PTCD2: variants seen among roughly 807,000 people sequenced by gnomAD.
PTCD2 encodes the protein pentatricopeptide repeat domain 2, also known as pentatricopeptide repeat-containing protein 2, mitochondrial.
A neutral mutation model predicts 42.6 loss-of-function variants in PTCD2; 31 were observed. The observed-to-expected ratio is 0.73, with a 90% confidence interval of 0.55 to 0.98. PTCD2 has a LOEUF of 0.98. PTCD2 is among the 50% of genes least tolerant of loss of function. The probability of loss-of-function intolerance (pLI) is 0.00; values close to 1 mark genes in which losing one functional copy is unlikely to be tolerated. For synonymous variants in PTCD2, 183 were observed against 170.9 expected, an observed-to-expected ratio of 1.07 and a Z score of -0.55; for missense variants, 476 against 454.8, an observed-to-expected ratio of 1.05 and a Z score of -0.42.
At chr5:72,338,469 A>C (rs954521966) in intron 6 of PTCD2, among the ~76,000 whole-genome samples, 153 bp from the exon 7 acceptor site, 9 of 152,256 alleles carry the variant, frequency 5.9e-5, no homozygotes, top group African/African-American at 2.2e-4. Flanking sequence ...GTGTATTTGC[A>C]AATAGTCTTT....
intron 5 of PTCD2, 194 bp from the exon 6 acceptor site, chr5:72,335,600 C>T (rs535861213): frequency 3.9e-4 from 180 of 462,096 alleles, no homozygotes; most frequent in Non-Finnish European, 6.2e-4. Context: ...TGTGAAGCAG[C>T]TTTTAAAACA....
At chr5:72,349,401 T>C (rs1209934443) in intron 8 of PTCD2, among the ~76,000 whole-genome samples, 6 of 152,208 alleles carry the variant, frequency 3.9e-5, no homozygotes, top group Non-Finnish European at 8.8e-5. Context: ...CATGAAAGTG[T>C]CTATTAAGGT....
At chr5:72,337,282 C>A (rs941772273) in intron 6 of PTCD2, among the ~76,000 whole-genome samples, 2 of 151,894 alleles carry the variant, frequency 1.3e-5, no homozygotes, top group Non-Finnish European at 1.5e-5. Context: ...ATGTTAAAGT[C>A]ATTCTTAGCT....
rs1355812921 is a variant in PTCD2 at position 72,361,864 on chromosome 5, G to C, written c.*3437G>C. 2 of 152,218 alleles carry C rather than the reference G, an allele frequency of 1.3e-5. No individual in the cohort carries two copies. The highest frequency in any genetic ancestry group is 1.5e-5 in the Non-Finnish European group (1 of 68,084). The allele number at this position is 152,218 out of a possible 1,614,324, so 9.4% of individuals were successfully genotyped here. The stretch of plus-strand genomic sequence containing the variant: ...TCTTGGCTTAGACATCTTTTCATCT[G>C]AGAAGGCTTTCTGGTCTAGTCTCAC... On this transcript the variant is annotated 3_prime_UTR_variant, in exon 10 of 10. Coordinates refer to ENST00000380639, the MANE Select transcript of PTCD2 (RefSeq NM_024754.5).
intron 8 of PTCD2, among the ~76,000 whole-genome samples, chr5:72,350,709 TC>T (rs1432581360): frequency 1.3e-5 from 2 of 152,140 alleles, no homozygotes; most frequent in Non-Finnish European, 2.9e-5. Context: ...ATTCTGTTCT[TC>T]CGAACCAAAG....
chr5:72,331,527 T>C (rs1379326861), intron 4 of PTCD2, 152 bp downstream of exon 4: 1 of 668,632 alleles, frequency 1.5e-6, no homozygotes, highest in African/African-American at 1.8e-5. Flanking sequence ...TTAAGTTTCC[T>C]TGCAGTCAGT....
rs1478670093 is a variant in PTCD2, at chr5:72,368,154, T to G, written c.*9727T>G. On this transcript the variant is annotated 3_prime_UTR_variant, in exon 10 of 10. Coordinates refer to ENST00000380639, the MANE Select transcript of PTCD2 (RefSeq NM_024754.5). ...GACTTTTAGGTTGTTGATGATTTAA[T>G]GCTATTGAAATGTTCTTATATGCAA... 6.6e-6 allele frequency: 1 copy of G among 152,246 alleles called. No homozygotes were observed. Among genetic ancestry groups the G allele is most frequent in the East Asian group, 1.9e-4 (1 of 5,200 alleles). 9.4% of individuals were successfully genotyped at this position (152,246 alleles called of 1,614,324 possible). A position where few individuals can be genotyped will look rare whatever the true frequency, so the allele number is the denominator to read the frequency against.
At chr5:72,357,013 G>A (rs1032345863) in intron 9 of PTCD2, among the ~76,000 whole-genome samples, 3 of 152,170 alleles carry the variant, frequency 2.0e-5, no homozygotes, top group African/African-American at 7.2e-5. Flanking sequence ...TCAGAAAGCA[G>A]CTTCACATTC....
At chr5:72,335,984 G>A in intron 6 of PTCD2, 99 bp downstream of exon 6, 1 of 660,222 alleles carries the variant, frequency 1.5e-6, no homozygotes, top group East Asian at 2.8e-5. Context: ...TCTGAAATCT[G>A]TTTTCCATCT....
In PTCD2 at chr5:72,358,695, G is replaced by A. The variant is rs73761771; in HGVS notation, c.*268G>A. ...CCTTGAAGGAACCTGGTCAGTCTCCGGTTCAGCTTCCGACACCAGAGTGGA... is the reference window on the plus strand; with the variant it reads ...CCTTGAAGGAACCTGGTCAGTCTCCAGTTCAGCTTCCGACACCAGAGTGGA... On this transcript the variant is annotated 3_prime_UTR_variant, in exon 10 of 10. Transcript: ENST00000380639. 4 of 477,882 alleles carry A rather than the reference G, an allele frequency of 8.4e-6. No individual in the cohort carries two copies. The highest frequency in any genetic ancestry group is 1.5e-5 in the Non-Finnish European group (4 of 263,860). The allele number at this position is 477,882 out of a possible 1,614,324, so 29.6% of individuals were successfully genotyped here. A position where few individuals can be genotyped will look rare whatever the true frequency, so the allele number is the denominator to read the frequency against.
intron 3 of PTCD2, among the ~76,000 whole-genome samples, chr5:72,330,130 CG>C (rs1580147940): frequency 6.6e-6 from 1 of 150,682 alleles, no homozygotes; most frequent in Admixed American, 6.6e-5. Flanking sequence ...TCAGTAGAGA[CG>C]GGGTTTCACC....
chr5:72,357,843 C>A (rs1752952777), intron 9 of PTCD2, among the ~76,000 whole-genome samples: 1 of 150,366 alleles, frequency 6.7e-6, no homozygotes, highest in Non-Finnish European at 1.5e-5. Flanking sequence ...AGGTGTATAC[C>A]ATACTTTTTT....
intron 3 of PTCD2, among the ~76,000 whole-genome samples, chr5:72,327,231 C>T (rs962285246): frequency 3.3e-5 from 5 of 152,188 alleles, no homozygotes; most frequent in Non-Finnish European, 5.9e-5. Flanking sequence ...TCTTAGTTCA[C>T]GCTTTAATGT....
intron 8 of PTCD2, among the ~76,000 whole-genome samples, chr5:72,351,794 C>T (rs901880260): frequency 3.9e-5 from 6 of 152,122 alleles, no homozygotes; most frequent in Non-Finnish European, 5.9e-5. Flanking sequence ...TGGAGATTAT[C>T]ATTCGAGATG....
intron 3 of PTCD2, among the ~76,000 whole-genome samples, chr5:72,327,106 T>C (rs1170548616): frequency 6.6e-6 from 1 of 152,234 alleles, no homozygotes; most frequent in Non-Finnish European, 1.5e-5. Context: ...TTGGAGCCTC[T>C]TTACTCTCAT....
Position 72,358,587 on chromosome 5 carries a change from G to T in PTCD2, c.*160G>T. Reference sequence around the variant, plus strand: ...TGAATGGTACCATGCCGATCTCTGAGAAGTTATGTTGCACCACTGTGAAGG... The same window carrying T: ...TGAATGGTACCATGCCGATCTCTGATAAGTTATGTTGCACCACTGTGAAGG... On this transcript the variant is annotated 3_prime_UTR_variant, in exon 10 of 10. Transcript: ENST00000380639. 1 of 622,024 alleles carries T rather than the reference G, an allele frequency of 1.6e-6. No individual in the cohort carries two copies. Among genetic ancestry groups the T allele is most frequent in the East Asian group, 2.7e-5 (1 of 36,470 alleles). The allele number at this position is 622,024 out of a possible 1,614,324, so 38.5% of individuals were successfully genotyped here. A position where few individuals can be genotyped will look rare whatever the true frequency, so the allele number is the denominator to read the frequency against.
chr5:72,320,744 C>T (rs1750786721), intron 1 of PTCD2: 1 of 539,688 alleles, frequency 1.9e-6, no homozygotes, highest in Non-Finnish European at 3.3e-6. Context: ...CTGTAGTGCT[C>T]CCTCAGATGG....
intron 2 of PTCD2, among the ~76,000 whole-genome samples, chr5:72,326,322 A>G (rs937371751): frequency 6.6e-6 from 1 of 152,200 alleles, no homozygotes; most frequent in African/African-American, 2.4e-5. Context: ...CCAGAGGATC[A>G]CCTAGGGAAT....
At chr5:72,327,470 C>CTTT (rs1402041558) in intron 3 of PTCD2, among the ~76,000 whole-genome samples, 1 of 135,904 alleles carries the variant, frequency 7.4e-6, no homozygotes, top group African/African-American at 3.2e-5. Context: ...TCTTTTTAAA[C>CTTT]TATTTTTTTT....
Sources: gnomAD v4.1 joint callset for allele counts (sites outside exome capture counted in the v4.1 genomes callset) on GRCh38, gnomAD v4.1.1 for gene constraint, MANE v1.5 for transcripts, NCBI Gene and HGNC (gene_info 2026-07-23, HGNC 2026-07-21) for gene names.